Variants in CHODL observed in about 807,000 individuals in gnomAD.
CHODL encodes transmembrane protein MT75.
A neutral mutation model predicts 34.5 loss-of-function variants in CHODL; 29 were observed. That is an observed-to-expected ratio of 0.84 (90% CI 0.63 to 1.15). The LOEUF (loss-of-function observed/expected upper bound fraction) is 1.15, where lower values mean the gene tolerates loss of function less well. CHODL is among the 50% of genes most tolerant of loss of function. CHODL has a pLI of 0.00. For missense variants in CHODL, 332 were observed against 332.5 expected (o/e 1.00, Z 0.01); for synonymous variants, 125 against 116.1 (o/e 1.08, Z -0.49).
At chr21:18,041,479 T>G (rs907819775) in intron 2 of CHODL, among the ~76,000 whole-genome samples, 1 of 151,970 alleles carries the variant, frequency 6.6e-6, no homozygotes, top group African/African-American at 2.4e-5. Flanking sequence ...AACAATGTTT[T>G]GTTAAACATC....
At chr21:18,248,694 C>CA (rs1209640222) in intron 1 of CHODL, among the ~76,000 whole-genome samples, 1 of 108,046 alleles carries the variant, frequency 9.3e-6, no homozygotes, top group African/African-American at 4.2e-5. Flanking sequence ...ATATTATATA[C>CA]ATATATATGT....
chr21:18,178,731 G>C (rs1255324812), intron 2 of CHODL, among the ~76,000 whole-genome samples: 1 of 152,200 alleles, frequency 6.6e-6, no homozygotes, highest in South Asian at 2.1e-4. Flanking sequence ...TGAGGAGGAA[G>C]AAGAGGAGAA....
At chr21:18,163,781 G>A (rs527603981) in intron 2 of CHODL, among the ~76,000 whole-genome samples, 1 of 135,060 alleles carries the variant, frequency 7.4e-6, no homozygotes, top group East Asian at 2.0e-4. Flanking sequence ...AATCTCTCAT[G>A]TACAGGTTTT....
intron 2 of CHODL, among the ~76,000 whole-genome samples, chr21:18,165,045 C>T (rs905961563): frequency 7.9e-5 from 12 of 152,120 alleles, no homozygotes; most frequent in African/African-American, 1.9e-4. Context: ...TATTTTGGAA[C>T]GGATAGTTCT....
At chr21:18,081,681 C>T (rs1396681070) in intron 2 of CHODL, among the ~76,000 whole-genome samples, 1 of 129,934 alleles carries the variant, frequency 7.7e-6, no homozygotes, top group African/African-American at 2.8e-5. Context: ...AACTCCATCT[C>T]AAAAAGAAAA....
chr21:18,168,345 G>T (rs945333409), intron 2 of CHODL, among the ~76,000 whole-genome samples: 2 of 152,184 alleles, frequency 1.3e-5, no homozygotes, highest in East Asian at 3.8e-4. Context: ...ATCTGGGGAG[G>T]CTGACTAACG....
chr21:18,163,256 A>T (rs1415324243), intron 2 of CHODL, among the ~76,000 whole-genome samples: 10 of 152,234 alleles, frequency 6.6e-5, no homozygotes, highest in Non-Finnish European at 1.3e-4. Flanking sequence ...CAAGTGTCAA[A>T]GTTTGGGTGG....
exon 2 of CHODL, chr21:18,027,874 T>C (rs1296056905): frequency 6.6e-6 from 1 of 152,528 alleles, no homozygotes; most frequent in Non-Finnish European, 1.5e-5. Flanking sequence ...CAAAGGAGAA[T>C]ACAACAAGAA....
At chr21:18,263,459 A>G (rs2074406931) in intron 5 of CHODL, among the ~76,000 whole-genome samples, 1 of 152,188 alleles carries the variant, frequency 6.6e-6, no homozygotes, top group African/African-American at 2.4e-5. Flanking sequence ...CCTATATTTT[A>G]CCAGCAAGAT....
chr21:18,183,349 A>G (rs981101016), intron 2 of CHODL, among the ~76,000 whole-genome samples: 2 of 152,192 alleles, frequency 1.3e-5, no homozygotes, highest in Non-Finnish European at 2.9e-5. Context: ...TCTAGCTGCC[A>G]TTTGGGATAA....
intron 2 of CHODL, among the ~76,000 whole-genome samples, chr21:18,199,373 G>A (rs1218568713): frequency 1.3e-5 from 2 of 152,084 alleles, no homozygotes; most frequent in Non-Finnish European, 2.9e-5. Context: ...AGCACAGAGA[G>A]AGTTTCCTTC....
At chr21:17,931,767 C>T (rs1315018327) in intron 1 of CHODL, among the ~76,000 whole-genome samples, 1 of 152,082 alleles carries the variant, frequency 6.6e-6, no homozygotes, top group Non-Finnish European at 1.5e-5. Context: ...ATGAATGAAA[C>T]TGGGCCTCTA....
rs77002192 is a variant in CHODL at position 17,968,500 on chromosome 21, A to T, written c.-145+51100A>T. On this transcript the variant is annotated intron_variant, in intron 1 of 6. Coordinates refer to the CHODL transcript ENST00000400127. ...ATTTCTCAGTCTCTGATAAATAAAA[A>T]ATTATTTTACCTTATTTCCCCCTTT... Among the ~76,000 whole-genome samples the T allele has an allele frequency of 2.8e-3, 426 of 152,332 alleles. 14 individuals carry two copies. In the East Asian group the frequency reaches 0.068, roughly 24 times the overall value.
intron 2 of CHODL, among the ~76,000 whole-genome samples, chr21:18,127,032 C>T (rs1003558990): frequency 5.3e-5 from 8 of 152,248 alleles, no homozygotes; most frequent in East Asian, 1.9e-4. Flanking sequence ...TGTTATCCTT[C>T]GCGTCAGTCA....
rs139399456 is a variant in CHODL, at chr21:17,949,279, A to G, written c.-145+31879A>G. Reference sequence around the variant, plus strand: ...AGCCTCAAGAAATTTTCCAGATTAAATTGTCTGAGTGAGAAGTATAAAAGT... The same window carrying G: ...AGCCTCAAGAAATTTTCCAGATTAAGTTGTCTGAGTGAGAAGTATAAAAGT... On this transcript the variant is annotated intron_variant, in intron 1 of 6. Coordinates refer to the CHODL transcript ENST00000400127. Among the ~76,000 whole-genome samples, 368 of 152,298 alleles carry G rather than the reference A, an allele frequency of 2.4e-3. 3 individuals carry two copies. Among genetic ancestry groups the G allele is most frequent in the African/African-American group, 8.3e-3 (347 of 41,574 alleles).
intron 2 of CHODL, among the ~76,000 whole-genome samples, chr21:18,066,712 A>C (rs1169261388): frequency 6.6e-6 from 1 of 152,160 alleles, no homozygotes; most frequent in Non-Finnish European, 1.5e-5. Context: ...GTACCTCCGA[A>C]TGTGACTTTA....
At chr21:18,208,871 C>T (rs952949548) in intron 2 of CHODL, among the ~76,000 whole-genome samples, 2 of 148,848 alleles carry the variant, frequency 1.3e-5, no homozygotes, top group Non-Finnish European at 3.0e-5. Flanking sequence ...CTCTGTCCCC[C>T]CCACCCCCGC....
At chr21:17,938,864 A>G (rs189115081) in intron 1 of CHODL, among the ~76,000 whole-genome samples, 64 of 150,996 alleles carry the variant, frequency 4.2e-4, no homozygotes, top group Admixed American at 4.2e-3. Context: ...TCTGATTTCA[A>G]TTTACTGCCT....
At chr21:18,097,301 A>G (rs966163187) in intron 2 of CHODL, among the ~76,000 whole-genome samples, 3 of 152,138 alleles carry the variant, frequency 2.0e-5, no homozygotes, top group Non-Finnish European at 2.9e-5. Context: ...TGCAGATGAT[A>G]TAATCTTATA....
Sources: gnomAD v4.1 joint callset for allele counts (sites outside exome capture counted in the v4.1 genomes callset) on GRCh38, gnomAD v4.1.1 for gene constraint, MANE v1.5 for transcripts, NCBI Gene and HGNC (gene_info 2026-07-23, HGNC 2026-07-21) for gene names.